The following PSD3 variants were observed in gnomAD, a reference collection of about 807,000 sequenced individuals.
PSD3 encodes the protein pleckstrin and Sec7 domain containing 3, also known as PH and SEC7 domain-containing protein 3.
In PSD3, 49 loss-of-function variants were observed where a neutral mutation model predicts 105.5. The observed-to-expected ratio is 0.46, with a 90% CI of 0.37 to 0.59. The LOEUF is 0.59. PSD3 is among the 20% of genes least tolerant of loss of function. The pLI is 0.00. For synonymous variants in PSD3, 557 were observed against 457.8 expected (o/e 1.22, Z -2.77); for missense variants, 1,561 against 1,263.8 (o/e 1.24, Z -3.57).
intron 9 of PSD3, among the ~76,000 whole-genome samples, chr8:18,723,841 G>T (rs1386686): frequency 0.92 from 140,407 of 152,230 alleles, 64,833 homozygotes; most frequent in Non-Finnish European, 0.94. Flanking sequence ...TTCCCTGACA[G>T]TGTCACTGAA....
At chr8:18,670,273 G>A (rs1194956329) in intron 9 of PSD3, among the ~76,000 whole-genome samples, 1 of 152,212 alleles carries the variant, frequency 6.6e-6, no homozygotes, top group Admixed American at 6.5e-5. Flanking sequence ...TGCGGCTGGA[G>A]CAAATGGGCC....
At chr8:18,757,735 T>C (rs898921734) in intron 9 of PSD3, among the ~76,000 whole-genome samples, 1 of 152,224 alleles carries the variant, frequency 6.6e-6, no homozygotes, top group Admixed American at 6.5e-5. Context: ...TCTTCAAATA[T>C]CCAGAGTAAA....
intron 12 of PSD3, among the ~76,000 whole-genome samples, chr8:18,581,731 T>C (rs1194610104): frequency 3.3e-5 from 5 of 152,246 alleles, no homozygotes; most frequent in Admixed American, 2.6e-4. Context: ...CATTGCATAA[T>C]ACTGGTCTTC....
chr8:18,759,078 T>TCACACA (rs199628183), intron 9 of PSD3, among the ~76,000 whole-genome samples: 8 of 148,632 alleles, frequency 5.4e-5, no homozygotes, highest in East Asian at 4.3e-4. Flanking sequence ...AACCCATTCT[T>TCACACA]CACACACACA....
intron 4 of PSD3, among the ~76,000 whole-genome samples, chr8:18,860,486 G>A (rs528573442): frequency 6.6e-6 from 1 of 151,600 alleles, no homozygotes; most frequent in African/African-American, 2.4e-5. Context: ...TATCTTCAAA[G>A]AGCAATAAAG....
intron 1 of PSD3, chr8:18,979,742 G>A (rs1825154796): frequency 5.4e-6 from 1 of 185,128 alleles, no homozygotes. Flanking sequence ...GGCCCAATGA[G>A]AGGAGTTTAA....
chr8:19,016,311 T>C (rs995840629), upstream of PSD3, among the ~76,000 whole-genome samples: 5 of 152,082 alleles, frequency 3.3e-5, no homozygotes, highest in Non-Finnish European at 7.4e-5. Flanking sequence ...TGAGCCCTAA[T>C]GTATGTGGTG....
chr8:18,928,073 C>T (rs1474098824), intron 2 of PSD3, among the ~76,000 whole-genome samples: 1 of 152,170 alleles, frequency 6.6e-6, no homozygotes, highest in Non-Finnish European at 1.5e-5. Context: ...ATTACTCACA[C>T]AAGCCAAAAA....
chr8:18,816,876 T>C (rs1379925408), intron 4 of PSD3, among the ~76,000 whole-genome samples: 1 of 152,114 alleles, frequency 6.6e-6, no homozygotes, highest in Non-Finnish European at 1.5e-5. Context: ...ATAAGTGCCT[T>C]GGAGATAAAT....
rs532947449 is a variant in PSD3 at position 18,562,745 on chromosome 8, C to T, written c.2785-6393G>A. The stretch of plus-strand genomic sequence containing the variant: ...TTCTACTAAAAATACAAAAATTAGC[C>T]GGGTGTGGTGGCATGCGCCTTTAAT... On this transcript the variant is annotated intron_variant, in intron 14 of 15. Transcript: ENST00000327040. Among the ~76,000 whole-genome samples the T allele has an allele frequency of 4.6e-5, 7 of 152,094 alleles. No homozygotes were observed. The South Asian group carries it at 8.3e-4, about 18-fold the overall frequency.
chr8:18,804,419 G>T (rs956289190), intron 6 of PSD3, 103 bp downstream of exon 6: 14 of 887,178 alleles, frequency 1.6e-5, no homozygotes, highest in Non-Finnish European at 2.2e-5. Context: ...ATACATGGAG[G>T]TTTAAAAAAA....
chr8:18,862,930 A>T (rs1816555054), intron 4 of PSD3, among the ~76,000 whole-genome samples: 1 of 151,714 alleles, frequency 6.6e-6, no homozygotes, highest in Non-Finnish European at 1.5e-5. Flanking sequence ...TATCAAATTC[A>T]GAGTGGGCTG....
chr8:18,740,895 T>C (rs534323089), intron 9 of PSD3, among the ~76,000 whole-genome samples: 2 of 152,300 alleles, frequency 1.3e-5, no homozygotes, highest in African/African-American at 4.8e-5. Context: ...CACTAGACTT[T>C]CCCAGTGACT....
chr8:18,607,784 G>A (rs1339527105), intron 11 of PSD3, among the ~76,000 whole-genome samples: 2 of 151,840 alleles, frequency 1.3e-5, no homozygotes, highest in Non-Finnish European at 2.9e-5. Flanking sequence ...ATTTATAAAG[G>A]GAAGAGGTTT....
At chr8:18,580,407 T>A (rs1413960195) in intron 12 of PSD3, among the ~76,000 whole-genome samples, 1 of 152,034 alleles carries the variant, frequency 6.6e-6, no homozygotes, top group East Asian at 1.9e-4. Context: ...TTACAAAACC[T>A]ACTGGTTTTG....
intron 2 of PSD3, among the ~76,000 whole-genome samples, chr8:18,882,314 C>T (rs867696479): frequency 6.6e-6 from 1 of 152,176 alleles, no homozygotes; most frequent in Non-Finnish European, 1.5e-5. Context: ...AAGTCCTACC[C>T]GTTGCTTCTA....
chr8:18,824,688 A>G (rs1050460420), intron 4 of PSD3, among the ~76,000 whole-genome samples: 1 of 152,212 alleles, frequency 6.6e-6, no homozygotes, highest in South Asian at 2.1e-4. Flanking sequence ...GGTAAATGCT[A>G]CAAAGAAATG....
chr8:18,870,582 T>C (rs1004954732), intron 3 of PSD3, among the ~76,000 whole-genome samples: 8 of 151,780 alleles, frequency 5.3e-5, no homozygotes. Flanking sequence ...CTAATGTAGA[T>C]GACGGGTTGA....
chr8:18,816,753 T>A (rs60412862), intron 4 of PSD3, among the ~76,000 whole-genome samples: 27,409 of 152,106 alleles, frequency 0.18, 2,756 homozygotes, highest in South Asian at 0.28. Flanking sequence ...CTCCCACAAA[T>A]ATCTGAACAT....
Sources: gnomAD v4.1 joint callset for allele counts (sites outside exome capture counted in the v4.1 genomes callset) on GRCh38, gnomAD v4.1.1 for gene constraint, MANE v1.5 for transcripts, NCBI Gene and HGNC (gene_info 2026-07-23, HGNC 2026-07-21) for gene names.